The following EPS8 variants were observed in gnomAD, a reference collection of about 807,000 sequenced individuals.
The protein encoded by EPS8 is epidermal growth factor receptor kinase substrate 8.
Under a neutral mutation model 103.8 loss-of-function variants are expected in EPS8, and 42 were observed. The ratio of observed to expected loss-of-function variants is 0.40; its 90% CI spans 0.32 to 0.52. The LOEUF is 0.52. EPS8 is among the 20% of genes least tolerant of loss of function. EPS8 has a pLI of 0.40. For missense variants in EPS8, 969 were observed against 1,005.1 expected, an observed-to-expected ratio of 0.96 and a Z score of 0.49; for synonymous variants, 344 against 344.6, an observed-to-expected ratio of 1.00 and a Z score of 0.02.
chr12:15,765,817 GT>G (rs780224534), intron 1 of EPS8, among the ~76,000 whole-genome samples: 57 of 140,622 alleles, frequency 4.1e-4, no homozygotes, highest in African/African-American at 7.5e-4. Flanking sequence ...TTTTTTTTTG[GT>G]TTTTTTTTTT....
rs1035089261 is a variant in EPS8, at chr12:15,747,912, C to T, written c.-22+41249G>A. ...GCAGGCACCTGTAGTCCCAGCTACTCGGGAGTCTGAGGCAGGAGAATCGCT... is the reference window on the plus strand; with the variant it reads ...GCAGGCACCTGTAGTCCCAGCTACTTGGGAGTCTGAGGCAGGAGAATCGCT... On this transcript the variant is annotated intron_variant, in intron 1 of 20. Transcript: ENST00000281172. The surrounding 1 kb of genome is among the most constrained non-coding windows in gnomAD (Gnocchi z 4.4). Among the ~76,000 whole-genome samples, 2 of 151,930 alleles carry T rather than the reference C, an allele frequency of 1.3e-5. No individual in the cohort carries two copies. The highest frequency in any genetic ancestry group is 2.9e-5 in the Non-Finnish European group (2 of 67,972).
chr12:15,788,317 CT>C (rs1202442506), intron 1 of EPS8, among the ~76,000 whole-genome samples: 2 of 152,176 alleles, frequency 1.3e-5, no homozygotes, highest in Non-Finnish European at 2.9e-5. Flanking sequence ...ATTCCTAATC[CT>C]TCACCGCTCT....
intron 5 of EPS8, 26 bp from the exon 6 acceptor site, chr12:15,669,562 T>C (rs1425369258): frequency 1.3e-6 from 2 of 1,576,094 alleles, no homozygotes; most frequent in Non-Finnish European, 1.7e-6. Flanking sequence ...ACATTTTATT[T>C]TGTCAAACTT....
chr12:15,647,754 T>C (rs1423004396), intron 14 of EPS8, among the ~76,000 whole-genome samples: 1 of 152,176 alleles, frequency 6.6e-6, no homozygotes, highest in African/African-American at 2.4e-5. Context: ...GTTAAGATAA[T>C]TCAGACAGGA....
rs1190177827 is a variant in EPS8 at position 15,698,467 on chromosome 12, C to T, written c.-21-15495G>A. Among the ~76,000 whole-genome samples the T allele has an allele frequency of 2.0e-5, 3 of 152,046 alleles. No individual in the cohort carries two copies. Among genetic ancestry groups the T allele is most frequent in the Admixed American group, 2.0e-4 (3 of 15,254 alleles). Reference sequence around the variant, plus strand: ...CCACACAGTAAACAGACATCTCTCTCCTCCAGCCTCTCCATCTTGACCTCT... The same window carrying T: ...CCACACAGTAAACAGACATCTCTCTTCTCCAGCCTCTCCATCTTGACCTCT... On this transcript the variant is annotated intron_variant, in intron 1 of 20. Coordinates refer to ENST00000281172, the MANE Select transcript of EPS8 (RefSeq NM_004447.6). The surrounding 1 kb of genome is among the most constrained non-coding windows in gnomAD (Gnocchi z 4.9).
intron 1 of EPS8, among the ~76,000 whole-genome samples, chr12:15,712,683 T>G (rs1185726746): frequency 6.6e-6 from 1 of 152,178 alleles, no homozygotes; most frequent in Admixed American, 6.5e-5. Context: ...TTTCACCAAG[T>G]TCAGAATCCA....
At chr12:15,732,036 T>C (rs765048417) in intron 1 of EPS8, among the ~76,000 whole-genome samples, 2 of 152,094 alleles carry the variant, frequency 1.3e-5, no homozygotes, top group African/African-American at 2.4e-5. Flanking sequence ...CTCCTGAGAG[T>C]AGGTAAGTCT....
rs1946055591 is a variant in EPS8, at chr12:15,684,120, A to G, written c.-21-1148T>C. The G allele has an allele frequency of 6.6e-6, 1 of 152,224 alleles. No homozygotes were observed. The highest frequency in any genetic ancestry group is 6.5e-5 in the Admixed American group (1 of 15,272). 9.4% of individuals were successfully genotyped at this position (152,224 alleles called of 1,614,324 possible). ...AATTTTAAGTTGTACTTATCATTAC[A>G]AAGGGAACATTCATCATAACACGGA... is the stretch of plus-strand genomic sequence containing the variant. On this transcript the variant is annotated intron_variant, in intron 1 of 20. Transcript: ENST00000281172. This position sits in a 1 kb window ranked among gnomAD's most constrained non-coding sequence, Gnocchi z 4.9.
chr12:15,658,086 A>T lies in EPS8; in HGVS notation c.1094T>A (p.Leu365Ter). 1 of 1,584,100 alleles carries T rather than the reference A, an allele frequency of 6.3e-7. No individual in the cohort carries two copies. The highest frequency in any genetic ancestry group is 8.7e-7 in the Non-Finnish European group (1 of 1,153,498). The change falls in exon 12 of 21, where the codon TTA becomes TAA. Residue 365 changes from leucine (L) to a stop codon, truncating the protein, a stop_gained. Transcript: ENST00000281172. LOFTEE classifies it high-confidence loss of function. Reference protein sequence around the residue: ...ADLVHFLFTPLNMVVQATGGP... With the variant: ...ADLVHFLFTP ...AAACTAATAAAATCTCACCATATTT[A>T]ATGGAGTAAACAAAAAGTGAACCAA...
chr12:15,763,233 G>C (rs1019679343), intron 1 of EPS8, among the ~76,000 whole-genome samples: 2 of 152,110 alleles, frequency 1.3e-5, no homozygotes, highest in Non-Finnish European at 2.9e-5. Flanking sequence ...GAGGGAAAAT[G>C]AGTGTGTATG....
Position 15,711,033 on chromosome 12 carries a change from C to CTTATTTAT in EPS8, c.-21-28069_-21-28062dup, listed in dbSNP as rs143155444. ...TACAGGCATGCACCACCATGCCAGG[C>CTTATTTAT]TTATTTATTTATTTATTTATTTATT... On this transcript the variant is annotated intron_variant, in intron 1 of 20. Coordinates refer to ENST00000281172, the MANE Select transcript of EPS8 (RefSeq NM_004447.6). Among the ~76,000 whole-genome samples, 389 of 136,504 alleles carry CTTATTTAT rather than the reference C, an allele frequency of 2.8e-3. 3 individuals are homozygous for CTTATTTAT. Among genetic ancestry groups the CTTATTTAT allele is most frequent in the Admixed American group, 0.011 (153 of 13,320 alleles). 89.6% of individuals were successfully genotyped at this position (136,504 alleles called of 152,430 possible). A position where few individuals can be genotyped will look rare whatever the true frequency, so the allele number is the denominator to read the frequency against.
chr12:15,764,719 T>C lies in EPS8; in HGVS notation c.-22+24442A>G, dbSNP rs1308781747. ...TCAGCAATTCTGAGGTGCTAGATCT[T>C]AGGGAAAGGGAAAGGTTCAGCTAAG... On this transcript the variant is annotated intron_variant, in intron 1 of 20. Transcript: ENST00000281172. This position sits in a 1 kb window ranked among gnomAD's most constrained non-coding sequence, Gnocchi z 4.1. Among the ~76,000 whole-genome samples the C allele has an allele frequency of 6.6e-6, 1 of 152,178 alleles. No homozygotes were observed. The highest frequency in any genetic ancestry group is 1.5e-5 in the Non-Finnish European group (1 of 68,022).
chr12:15,728,681 T>G lies in EPS8; in HGVS notation c.-21-45709A>C, dbSNP rs1946681366. Among the ~76,000 whole-genome samples, 3 of 152,330 alleles carry G rather than the reference T, an allele frequency of 2.0e-5. No homozygotes were observed. The South Asian group carries it at 6.2e-4, about 32-fold the overall frequency. On this transcript the variant is annotated intron_variant, in intron 1 of 20. Coordinates refer to ENST00000281172, the MANE Select transcript of EPS8 (RefSeq NM_004447.6). This position sits in a 1 kb window ranked among gnomAD's most constrained non-coding sequence, Gnocchi z 4.5. Reference sequence around the variant, plus strand: ...CAGTGAAATATTTATGCTTTGTGACTTACTTGAACACAAAACAACACTCCA... The same window carrying G: ...CAGTGAAATATTTATGCTTTGTGACGTACTTGAACACAAAACAACACTCCA...
rs1209845442 is a variant in EPS8 at position 15,779,657 on chromosome 12, G to C, written c.-22+9504C>G. On this transcript the variant is annotated intron_variant, in intron 1 of 20. Transcript: ENST00000281172. The surrounding 1 kb of genome is among the most constrained non-coding windows in gnomAD (Gnocchi z 4.3). ...AAGATAATTCAACAGCCCTCAATAAGGGACTTGAAAAATGTTTCTCCCTCA... is the reference window on the plus strand; with the variant it reads ...AAGATAATTCAACAGCCCTCAATAACGGACTTGAAAAATGTTTCTCCCTCA... Among the ~76,000 whole-genome samples, 2 of 152,052 alleles carry C rather than the reference G, an allele frequency of 1.3e-5. No individual in the cohort carries two copies. Among genetic ancestry groups the C allele is most frequent in the Non-Finnish European group, 2.9e-5 (2 of 67,990 alleles).
intron 10 of EPS8, 45 bp from the exon 11 acceptor site, chr12:15,658,630 A>G: frequency 7.8e-7 from 1 of 1,278,920 alleles, no homozygotes; most frequent in Non-Finnish European, 1.1e-6. Flanking sequence ...AAATCCAAGG[A>G]AATTTATTAA....
At chr12:15,729,929 GA>G (rs1318448398) in intron 1 of EPS8, among the ~76,000 whole-genome samples, 17 of 152,088 alleles carry the variant, frequency 1.1e-4, no homozygotes, top group Non-Finnish European at 1.5e-4. Flanking sequence ...CACACCTCTT[GA>G]ATAGTATCTC....
intron 17 of EPS8, among the ~76,000 whole-genome samples, chr12:15,636,867 C>G (rs1945144238): frequency 6.6e-6 from 1 of 152,046 alleles, no homozygotes; most frequent in Admixed American, 6.5e-5. Flanking sequence ...ATACATAAAG[C>G]AAAAATCAAA....
intron 2 of EPS8, among the ~76,000 whole-genome samples, chr12:15,681,526 T>G (rs1946006728): frequency 6.6e-6 from 1 of 151,276 alleles, no homozygotes; most frequent in South Asian, 2.1e-4. Flanking sequence ...AGGTCAGGAG[T>G]TCGTGACCAG....
rs1947230824 is a variant in EPS8, at chr12:15,778,622, A to T, written c.-22+10539T>A. 6.6e-6 allele frequency among the ~76,000 whole-genome samples: 1 copy of T among 152,218 alleles called. No individual in the cohort carries two copies. Among genetic ancestry groups the T allele is most frequent in the African/African-American group, 2.4e-5 (1 of 41,466 alleles). ...TGAAGATAGGGTTTCAAAAATTCAC[A>T]TTCCTGGATTAAAGAATAATATTTG... On this transcript the variant is annotated intron_variant, in intron 1 of 20. Coordinates refer to ENST00000281172, the MANE Select transcript of EPS8 (RefSeq NM_004447.6). The surrounding 1 kb of genome is among the most constrained non-coding windows in gnomAD (Gnocchi z 4.5).
Sources: allele counts gnomAD v4.1 joint callset (sites outside exome capture counted in the v4.1 genomes callset), GRCh38; gene constraint gnomAD v4.1.1; non-coding constraint Gnocchi (gnomAD v3.1); transcripts MANE v1.5; gene names NCBI Gene and HGNC (gene_info 2026-07-23, HGNC 2026-07-21).